CPD: variants seen among roughly 807,000 people sequenced by gnomAD.
CPD encodes the protein carboxypeptidase D, also known as metallocarboxypeptidase D.
Under a neutral mutation model 138.3 loss-of-function variants are expected in CPD, and 69 were observed. That is an observed-to-expected ratio of 0.50 (90% confidence interval 0.41 to 0.61). The LOEUF is 0.61. Among genes scored for constraint, CPD ranks in the 20% least tolerant of loss-of-function variants. CPD has a pLI of 0.00. For synonymous variants in CPD, 651 were observed against 642.1 expected (o/e 1.01, Z -0.21); for missense variants, 1,432 against 1,733.3 (o/e 0.83, Z 3.09).
rs1913606811 is a variant in CPD at position 30,465,299 on chromosome 17, AG to A, written c.*486del. 6.3e-6 allele frequency: 1 copy of A among 157,910 alleles called. No homozygotes were observed. The highest frequency in any genetic ancestry group is 1.9e-4 in the South Asian group (1 of 5,298). The allele number at this position is 157,910 out of a possible 1,614,324, so 9.8% of individuals were successfully genotyped here. ...TTTTCTCTAGTTGTTAAATAGCTGGAGTTTTTCTTATTCAGGTTTAATGGAG... is the reference window on the plus strand; with the variant it reads ...TTTTCTCTAGTTGTTAAATAGCTGGATTTTTCTTATTCAGGTTTAATGGAG... On this transcript the variant is annotated 3_prime_UTR_variant, in exon 21 of 21. Coordinates refer to ENST00000225719, the MANE Select transcript of CPD (RefSeq NM_001304.5).
At chr17:30,397,760 AAAG>A (rs1489902562) in intron 2 of CPD, among the ~76,000 whole-genome samples, 78 of 150,400 alleles carry the variant, frequency 5.2e-4, no homozygotes, top group South Asian at 2.1e-3. Context: ...AAAAAAAAAA[AAAG>A]AAGATATAAA....
At chr17:30,440,503 G>T (rs1419445557) in intron 9 of CPD, among the ~76,000 whole-genome samples, 1 of 146,828 alleles carries the variant, frequency 6.8e-6, no homozygotes, top group Non-Finnish European at 1.5e-5. Context: ...GTCCTGAATG[G>T]TCATGCCTAG....
chr17:30,389,823 G>A (rs568530681), intron 2 of CPD, among the ~76,000 whole-genome samples: 4 of 152,080 alleles, frequency 2.6e-5, no homozygotes, highest in African/African-American at 4.8e-5. Flanking sequence ...GCTGAATGTC[G>A]GATATGTCCT....
chr17:30,381,437 G>T (rs1236425839), intron 1 of CPD, among the ~76,000 whole-genome samples: 2 of 152,160 alleles, frequency 1.3e-5, no homozygotes, highest in Non-Finnish European at 2.9e-5. Flanking sequence ...AAGTCGCCTT[G>T]AGGCTATACA....
Position 30,438,296 on chromosome 17 carries a change from C to T in CPD, c.2128-679C>T, listed in dbSNP as rs907228509. 2.0e-5 allele frequency among the ~76,000 whole-genome samples: 3 copies of T among 152,076 alleles called. No individual in the cohort carries two copies. In the East Asian group the frequency reaches 5.8e-4, roughly 29 times the overall value. Reference sequence around the variant, plus strand: ...CTCAATTTCTTCTAGGAAACTCCCCCTGCCACTCTCATCAGATGTAATCTT... The same window carrying T: ...CTCAATTTCTTCTAGGAAACTCCCCTTGCCACTCTCATCAGATGTAATCTT... On this transcript the variant is annotated intron_variant, in intron 8 of 20. Coordinates refer to ENST00000225719, the MANE Select transcript of CPD (RefSeq NM_001304.5).
At chr17:30,399,882 C>T (rs183062834) in intron 2 of CPD, among the ~76,000 whole-genome samples, 22 of 152,102 alleles carry the variant, frequency 1.4e-4, no homozygotes, top group Admixed American at 1.2e-3. Flanking sequence ...CCCAGCTACT[C>T]GAGAGGCTGA....
At chr17:30,382,988 A>G (rs781469577) in intron 1 of CPD, among the ~76,000 whole-genome samples, 3 of 152,240 alleles carry the variant, frequency 2.0e-5, no homozygotes, top group South Asian at 2.1e-4. Context: ...CAGCCTTCTT[A>G]TAACTTTCCC....
intron 17 of CPD, 188 bp downstream of exon 17, chr17:30,456,714 C>T (rs1191542754): frequency 4.8e-5 from 24 of 499,424 alleles, no homozygotes; most frequent in Non-Finnish European, 7.2e-5. Context: ...TGGTGGCAGA[C>T]GCCCGTAATC....
chr17:30,380,416 C>A, intron 1 of CPD: 1 of 1,135,008 alleles, frequency 8.8e-7, no homozygotes, highest in Non-Finnish European at 1.1e-6. Flanking sequence ...ATGGACTTAG[C>A]TGGAGAACTT....
At chr17:30,399,853 G>T (rs1478242650) in intron 2 of CPD, among the ~76,000 whole-genome samples, 1 of 152,104 alleles carries the variant, frequency 6.6e-6, no homozygotes, top group Non-Finnish European at 1.5e-5. Flanking sequence ...AGCTGGGCAT[G>T]GTGGCAGGCA....
Position 30,455,396 on chromosome 17 carries a change from A to G in CPD, c.3263A>G (p.Asp1088Gly). 3 of 1,613,758 alleles carry G rather than the reference A, an allele frequency of 1.9e-6. No individual in the cohort carries two copies. Among genetic ancestry groups the G allele is most frequent in the Non-Finnish European group, 2.5e-6 (3 of 1,179,816 alleles). Reference sequence around the variant, plus strand: ...ATTGAAAATTTGATTCAAAAACAGGACTTTAGTCTTTCTGTTGCCTTAGAT... The same window carrying G: ...ATTGAAAATTTGATTCAAAAACAGGGCTTTAGTCTTTCTGTTGCCTTAGAT... ...AIIENLIQKQ[D>G]FSLSVALDGG... Residue 1088 changes from aspartate (D) to glycine (G), a missense_variant, in exon 15 of 21, where the codon GAC becomes GGC. This residue lies in a region of CPD where 366 missense variants were observed against 518.8 expected (regional missense o/e 0.71). Coordinates refer to ENST00000225719, the MANE Select transcript of CPD (RefSeq NM_001304.5).
chr17:30,389,683 T>C (rs572645337), intron 2 of CPD, among the ~76,000 whole-genome samples: 1 of 152,364 alleles, frequency 6.6e-6, no homozygotes, highest in East Asian at 1.9e-4. Context: ...TGTACTTTGG[T>C]ATTAAGGCCA....
intron 2 of CPD, among the ~76,000 whole-genome samples, chr17:30,389,073 C>G (rs888531023): frequency 1.3e-5 from 2 of 152,218 alleles, no homozygotes; most frequent in African/African-American, 4.8e-5. Context: ...AGGGGTTCCT[C>G]TCTGCCTGAC....
rs146407588 is a variant in CPD at position 30,453,346 on chromosome 17, G to A, written c.3205+1500G>A. ...ATGGGAGAAATTGGCCAAAATGGAGGGGCTACAGGCCCCATGCAAGTTCAG... is the reference window on the plus strand; with the variant it reads ...ATGGGAGAAATTGGCCAAAATGGAGAGGCTACAGGCCCCATGCAAGTTCAG... On this transcript the variant is annotated intron_variant, in intron 14 of 20. Coordinates refer to ENST00000225719, the MANE Select transcript of CPD (RefSeq NM_001304.5). Among the ~76,000 whole-genome samples, 377 of 152,278 alleles carry A rather than the reference G, an allele frequency of 2.5e-3. 3 individuals carry two copies. Among genetic ancestry groups the A allele is most frequent in the Middle Eastern group, 6.8e-3 (2 of 294 alleles).
rs1319045052 is a variant in CPD, at chr17:30,422,757, C to T, written c.1391C>T (p.Thr464Ile). Residue 464 changes from threonine to isoleucine, a missense_variant, in exon 5 of 21, where the codon ACT becomes ATT. By Grantham distance (89) the Thr-to-Ile change is moderately conservative. Transcript: ENST00000225719. ...GATTTTTCTCTTAGGCCAACTGTAA[C>T]TTCAGTAATCCCTGACACGACAGAG... ...EVDFSLRPTV[T>I]SVIPDTTEAV... is the part of the protein sequence containing the mutation. 1 of 1,614,026 alleles carries T rather than the reference C, an allele frequency of 6.2e-7. No homozygotes were observed. The highest frequency in any genetic ancestry group is 1.7e-5 in the Admixed American group (1 of 60,008).
At chr17:30,395,613 C>T (rs996502755) in intron 2 of CPD, among the ~76,000 whole-genome samples, 25 of 151,868 alleles carry the variant, frequency 1.6e-4, no homozygotes, top group African/African-American at 6.0e-4. Context: ...CCTAACACTC[C>T]TTTAGGATTT....
chr17:30,406,610 C>T (rs1477432934), intron 2 of CPD, among the ~76,000 whole-genome samples: 1 of 152,014 alleles, frequency 6.6e-6, no homozygotes, highest in Non-Finnish European at 1.5e-5. Flanking sequence ...TAAATTGCTG[C>T]TAAAATAGGA....
At chr17:30,396,386 A>G (rs1013765712) in intron 2 of CPD, among the ~76,000 whole-genome samples, 2 of 152,008 alleles carry the variant, frequency 1.3e-5, no homozygotes, top group African/African-American at 4.8e-5. Flanking sequence ...AAAAAAAAAA[A>G]CAAAAAAAAC....
intron 2 of CPD, among the ~76,000 whole-genome samples, chr17:30,403,038 G>A (rs1026917682): frequency 1.3e-5 from 2 of 152,126 alleles, no homozygotes; most frequent in Non-Finnish European, 2.9e-5. Context: ...CCTGGGAGGT[G>A]GAGGTTGCGG....
Sources: gnomAD v4.1 joint callset for allele counts (sites outside exome capture counted in the v4.1 genomes callset) on GRCh38, gnomAD v4.1.1 for gene constraint, gnomAD v4.1.1 regional missense constraint, MANE v1.5 for transcripts, NCBI Gene and HGNC (gene_info 2026-07-23, HGNC 2026-07-21) for gene names.